The following C4orf50 variants were observed in gnomAD, a reference collection of about 807,000 sequenced individuals.
The protein encoded by C4orf50 is uncharacterized protein C4orf50.
C4orf50 carries 80 observed loss-of-function variants against 77.2 expected under a neutral mutation model. The observed-to-expected ratio is 1.04, with a 90% CI of 0.87 to 1.25. The LOEUF is 1.25. C4orf50 is among the 50% of genes most tolerant of loss of function. The pLI, the probability that C4orf50 is intolerant of heterozygous loss-of-function variation, is 0.00. For synonymous variants in C4orf50, 532 were observed against 465.3 expected (o/e 1.14, Z -1.84); for missense variants, 1,257 against 1,152.9 (o/e 1.09, Z -1.31).
At chr4:6,003,629 G>A (rs1314994743) in intron 25 of C4orf50, among the ~76,000 whole-genome samples, 1 of 142,914 alleles carries the variant, frequency 7.0e-6, no homozygotes, top group African/African-American at 2.6e-5. Context: ...TGGTGGTGAT[G>A]ACGGTGATGA....
intron 23 of C4orf50, among the ~76,000 whole-genome samples, chr4:6,016,365 A>G (rs1722683286): frequency 6.6e-6 from 1 of 152,186 alleles, no homozygotes; most frequent in Non-Finnish European, 1.5e-5. Flanking sequence ...CATGGCCAAC[A>G]TGGTGAAACA....
intron 7 of C4orf50, among the ~76,000 whole-genome samples, chr4:5,914,772 A>C (rs1354207984): frequency 1.3e-5 from 2 of 152,226 alleles, no homozygotes; most frequent in Admixed American, 1.3e-4. Context: ...ACTTGGACAT[A>C]ATAACCTTGA....
At chr4:6,013,089 CT>C (rs1292310979) in intron 23 of C4orf50, among the ~76,000 whole-genome samples, 1 of 152,174 alleles carries the variant, frequency 6.6e-6, no homozygotes, top group Non-Finnish European at 1.5e-5. Flanking sequence ...GTAACTTTAT[CT>C]ATAAAATAGA....
intron 7 of C4orf50, among the ~76,000 whole-genome samples, chr4:5,934,284 T>C (rs1717910770): frequency 1.3e-5 from 2 of 152,156 alleles, no homozygotes; most frequent in Non-Finnish European, 1.5e-5. Flanking sequence ...CATTGGTCCT[T>C]TCCAGGTCCT....
chr4:5,964,109 G>T (rs567241925), intron 33 of C4orf50, among the ~76,000 whole-genome samples: 36 of 152,300 alleles, frequency 2.4e-4, no homozygotes, highest in Middle Eastern at 6.8e-3. Context: ...ACTGAATACA[G>T]AAGAGAAGCC....
intron 7 of C4orf50, chr4:5,903,374 G>A (rs1716418710): frequency 6.6e-6 from 1 of 152,180 alleles, no homozygotes; most frequent in South Asian, 2.1e-4. Context: ...ACTCACAGTA[G>A]CCAAAAAGGT....
chr4:5,915,194 G>A (rs1385286625), intron 7 of C4orf50, among the ~76,000 whole-genome samples: 2 of 152,130 alleles, frequency 1.3e-5, no homozygotes, highest in African/African-American at 2.4e-5. Flanking sequence ...CCTGCCTTAA[G>A]AGCCTCAGTG....
chr4:5,987,176 C>A (rs1200360352), intron 28 of C4orf50, among the ~76,000 whole-genome samples: 1 of 151,806 alleles, frequency 6.6e-6, no homozygotes, highest in African/African-American at 2.4e-5. Flanking sequence ...TTTGGGAGGC[C>A]TAGGTGGGCA....
At position 5,908,440 on chromosome 4, in the gene C4orf50, G is replaced by A. The variant is rs1219820248; in HGVS notation, c.*2475-10252C>T. Among the ~76,000 whole-genome samples, 2 of 152,132 alleles carry A rather than the reference G, an allele frequency of 1.3e-5. No individual in the cohort carries two copies. The highest frequency in any genetic ancestry group is 4.8e-5 in the African/African-American group (2 of 41,424). ...GATGTGACGATTCTATAAAACCACAGGAGGCATTCATATGTCCTGGGGAGT... is the reference window on the plus strand; with the variant it reads ...GATGTGACGATTCTATAAAACCACAAGAGGCATTCATATGTCCTGGGGAGT... On this transcript the variant is annotated intron_variant, in intron 7 of 7. Transcript: ENST00000324058. The surrounding 1 kb of genome is among the most constrained non-coding windows in gnomAD (Gnocchi z 5.6).
At position 6,018,363 on chromosome 4, in the gene C4orf50, C is replaced by G. The variant is rs906116980; in HGVS notation, c.69G>C (p.Glu23Asp). Residue 23 changes from glutamate to aspartate, a missense_variant, in exon 23 of 34, where the codon GAG (glutamate) becomes GAC (aspartate). Glu to Asp is a conservative substitution (Grantham distance 45, BLOSUM62 2). Coordinates refer to ENST00000531445, the Ensembl canonical transcript of C4orf50. This position sits in a 1 kb window ranked among gnomAD's most constrained non-coding sequence, Gnocchi z 5.1. ...CATCAACGTTCATTATGTCGAACCCCTCACTGCTGGGGGCTCTGATGACGT... is the reference window on the plus strand; with the variant it reads ...CATCAACGTTCATTATGTCGAACCCGTCACTGCTGGGGGCTCTGATGACGT... The G allele has an allele frequency of 5.0e-6, 2 of 398,898 alleles. No homozygotes were observed. The highest frequency in any genetic ancestry group is 4.4e-5 in the Admixed American group (1 of 22,710). 24.7% of individuals were successfully genotyped at this position (398,898 alleles called of 1,614,324 possible). A position where few individuals can be genotyped will look rare whatever the true frequency, so the allele number is the denominator to read the frequency against.
At chr4:5,967,120 T>C (rs1003236494) in intron 32 of C4orf50, among the ~76,000 whole-genome samples, 1 of 152,260 alleles carries the variant, frequency 6.6e-6, no homozygotes, top group African/African-American at 2.4e-5. Flanking sequence ...GGCAGGAACA[T>C]GCCTGTCCAC....
At chr4:5,913,349 G>A (rs1246968547) in intron 7 of C4orf50, among the ~76,000 whole-genome samples, 1 of 152,202 alleles carries the variant, frequency 6.6e-6, no homozygotes, top group Non-Finnish European at 1.5e-5. Context: ...GTTCTGCACA[G>A]TGCCTGGGGA....
rs916411403 is a variant in C4orf50, at chr4:5,932,614, T to A, written c.*2474+24287A>T. Among the ~76,000 whole-genome samples the A allele has an allele frequency of 3.9e-5, 6 of 152,150 alleles. No homozygotes were observed. Among genetic ancestry groups the A allele is most frequent in the Non-Finnish European group, 7.3e-5 (5 of 68,034 alleles). The stretch of plus-strand genomic sequence containing the variant: ...CCACGCCCAGCTAATTTTTATTTTT[T>A]AATTTTTTATAGAGATGGAGTCCCC... On this transcript the variant is annotated intron_variant, in intron 7 of 7. Transcript: ENST00000324058. This position sits in a 1 kb window ranked among gnomAD's most constrained non-coding sequence, Gnocchi z 4.2.
intron 7 of C4orf50, among the ~76,000 whole-genome samples, chr4:5,942,728 G>A (rs2108751631): frequency 6.6e-6 from 1 of 152,314 alleles, no homozygotes; most frequent in South Asian, 2.1e-4. Context: ...CCCACAGCTT[G>A]AGAGACTATT....
rs1315363651 is a variant in C4orf50, at chr4:5,992,015, T to C, written c.1221+788A>G. 6.6e-6 allele frequency among the ~76,000 whole-genome samples: 1 copy of C among 152,136 alleles called. No homozygotes were observed. The highest frequency in any genetic ancestry group is 1.9e-4 in the East Asian group (1 of 5,176). ...CCAGAAAGGTACAGACCTAGAGACC[T>C]GGCTTCAATCCTGGGTGTGACCTTG... On this transcript the variant is annotated intron_variant, in intron 27 of 33. Coordinates refer to ENST00000531445, the Ensembl canonical transcript of C4orf50. The surrounding 1 kb of genome is among the most constrained non-coding windows in gnomAD (Gnocchi z 5.0).
intron 33 of C4orf50, among the ~76,000 whole-genome samples, chr4:5,964,698 G>A (rs1469042735): frequency 1.3e-5 from 2 of 149,600 alleles, no homozygotes; most frequent in East Asian, 2.0e-4. Flanking sequence ...AAACCAGGAG[G>A]CAGAGGTTGC....
At chr4:5,907,048 G>C (rs908924880) in intron 7 of C4orf50, among the ~76,000 whole-genome samples, 6 of 152,140 alleles carry the variant, frequency 3.9e-5, no homozygotes, top group African/African-American at 1.4e-4. Flanking sequence ...CATGCATTAA[G>C]CTGGGGGGAC....
chr4:5,964,236 T>G (rs1398915026), intron 33 of C4orf50, among the ~76,000 whole-genome samples: 1 of 152,122 alleles, frequency 6.6e-6, no homozygotes, highest in Non-Finnish European at 1.5e-5. Flanking sequence ...AGCAGCCTCT[T>G]GGGGCCGACA....
chr4:5,960,130 T>G (rs942005226), intron 33 of C4orf50, among the ~76,000 whole-genome samples: 2 of 152,218 alleles, frequency 1.3e-5, no homozygotes, highest in Non-Finnish European at 2.9e-5. Context: ...AAAACCCACT[T>G]AACAGTTTAA....
Sources: gnomAD v4.1 joint callset for allele counts (sites outside exome capture counted in the v4.1 genomes callset) on GRCh38, gnomAD v4.1.1 for gene constraint, Gnocchi (gnomAD v3.1) non-coding constraint, MANE v1.5 for transcripts, NCBI Gene and HGNC (gene_info 2026-07-23, HGNC 2026-07-21) for gene names.